SH3PXD2B: variants seen among roughly 807,000 people sequenced by gnomAD.
SH3PXD2B encodes SH3 and PX domain-containing protein 2B.
Under a neutral mutation model 73.1 loss-of-function variants are expected in SH3PXD2B, and 37 were observed. The ratio of observed to expected loss-of-function variants is 0.51; its 90% CI spans 0.39 to 0.67. The LOEUF (loss-of-function observed/expected upper bound fraction) is 0.67, where lower values mean the gene tolerates loss of function less well. SH3PXD2B is among the 30% of genes least tolerant of loss of function. SH3PXD2B has a pLI of 0.00. For missense variants in SH3PXD2B, 1,053 were observed against 1,197.8 expected (o/e 0.88, Z 1.78); for synonymous variants, 457 against 480.5 (o/e 0.95, Z 0.64).
chr5:172,435,110 G>C (rs1374602073), intron 1 of SH3PXD2B, among the ~76,000 whole-genome samples: 2 of 152,232 alleles, frequency 1.3e-5, no homozygotes, highest in African/African-American at 4.8e-5. Flanking sequence ...AGAAGGCACA[G>C]AAGACCTCAG....
At chr5:172,398,328 A>AT (rs1758352303) in intron 3 of SH3PXD2B, among the ~76,000 whole-genome samples, 2 of 152,202 alleles carry the variant, frequency 1.3e-5, no homozygotes, top group Admixed American at 1.3e-4. Flanking sequence ...CTTTTACTGT[A>AT]CCATCTATCA....
At chr5:172,329,537 A>G (rs374509917), downstream of SH3PXD2B, among the ~76,000 whole-genome samples, 1 of 62,960 alleles carries the variant, frequency 1.6e-5, no homozygotes, top group Admixed American at 1.6e-4. Flanking sequence ...GATCTTTGTT[A>G]TTCTTTTTTT....
In SH3PXD2B at chr5:172,368,676, AAT is replaced by A. The variant is rs1371215353; in HGVS notation, c.427+5112_427+5113del. 4.5e-4 allele frequency among the ~76,000 whole-genome samples: 14 copies of A among 31,156 alleles called. 3 individuals carry two copies. Among genetic ancestry groups the A allele is most frequent in the Non-Finnish European group, 5.9e-4 (13 of 22,014 alleles). 20.4% of individuals were successfully genotyped at this position (31,156 alleles called of 152,430 possible). A position where few individuals can be genotyped will look rare whatever the true frequency, so the allele number is the denominator to read the frequency against. On this transcript the variant is annotated intron_variant, in intron 6 of 12. Coordinates refer to ENST00000311601, the MANE Select transcript of SH3PXD2B (RefSeq NM_001017995.3). The stretch of plus-strand genomic sequence containing the variant: ...AAATATATATATTATATATATATAA[AAT>A]ATATATGTTATATATATAAAATATA...
chr5:172,446,929 C>T (rs1759676864), intron 1 of SH3PXD2B, among the ~76,000 whole-genome samples: 1 of 152,160 alleles, frequency 6.6e-6, no homozygotes, highest in Non-Finnish European at 1.5e-5. Context: ...CTCTAGCTCA[C>T]GGACTGGAAA....
intron 6 of SH3PXD2B, among the ~76,000 whole-genome samples, chr5:172,367,265 A>G (rs1235488081): frequency 6.7e-6 from 1 of 148,266 alleles, no homozygotes; most frequent in African/African-American, 2.5e-5. Flanking sequence ...TAGCAGCTAG[A>G]GTGATCCTTT....
At chr5:172,348,670 T>TCTATCTATCTATCTATCTATCTATC (rs1757070488) in intron 10 of SH3PXD2B, among the ~76,000 whole-genome samples, 1 of 49,938 alleles carries the variant, frequency 2.0e-5, no homozygotes, top group African/African-American at 6.7e-5. Context: ...TATCTATCTA[T>TCTATCTATCTATCTATCTATCTATC]CTATCTATCT....
rs886060419 is a variant in SH3PXD2B, at chr5:172,337,780, G to A, written c.*589C>T. The A allele has an allele frequency of 1.0e-6, 1 of 995,722 alleles. No homozygotes were observed. Among genetic ancestry groups the A allele is most frequent in the Non-Finnish European group, 1.2e-6 (1 of 835,796 alleles). The allele number at this position is 995,722 out of a possible 1,614,324, so 61.7% of individuals were successfully genotyped here. On this transcript the variant is annotated 3_prime_UTR_variant, in exon 13 of 13. Coordinates refer to ENST00000311601, the MANE Select transcript of SH3PXD2B (RefSeq NM_001017995.3). The stretch of plus-strand genomic sequence containing the variant: ...CACTCCTGGGGGAGCCGCATCCAGT[G>A]GAACCTCAGAGGCCCACGGGCCTGA...
chr5:172,356,950 G>A (rs1262869972), intron 8 of SH3PXD2B, among the ~76,000 whole-genome samples: 2 of 152,058 alleles, frequency 1.3e-5, no homozygotes, highest in Non-Finnish European at 2.9e-5. Flanking sequence ...TATTAACCGT[G>A]AACTTGGGTG....
downstream of SH3PXD2B, among the ~76,000 whole-genome samples, chr5:172,330,905 T>C (rs932556104): frequency 6.6e-6 from 1 of 152,168 alleles, no homozygotes; most frequent in African/African-American, 2.4e-5. Flanking sequence ...CAGTAAAAGT[T>C]AGATCCTGGC....
rs142674400 is a variant in SH3PXD2B at position 172,422,484 on chromosome 5, G to T, written c.88C>A (p.Arg30=). The change falls in exon 2 of 13, where the codon CGG becomes AGG. Residue 30 remains arginine, a synonymous_variant. Coordinates refer to ENST00000311601, the MANE Select transcript of SH3PXD2B (RefSeq NM_001017995.3). The part of the protein sequence containing the change: ...VPNKHYVYII[R]VTWSSGSTEA... Reference sequence around the variant, plus strand: ...GTGGAGCCGCTGGACCACGTGACCCGGATGATGTAGACCTGCGGGAGCAAC... The same window carrying T: ...GTGGAGCCGCTGGACCACGTGACCCTGATGATGTAGACCTGCGGGAGCAAC... 1 of 1,611,842 alleles carries T rather than the reference G, an allele frequency of 6.2e-7. No homozygotes were observed.
At chr5:172,333,182 G>A (rs910879380), downstream of SH3PXD2B, among the ~76,000 whole-genome samples, 2 of 151,948 alleles carry the variant, frequency 1.3e-5, no homozygotes, top group Non-Finnish European at 2.9e-5. Context: ...TGATCGGCCC[G>A]CCTCGGCCTC....
rs148820195 is a variant in SH3PXD2B at position 172,430,707 on chromosome 5, T to G, written c.76-8211A>C. ...CTGCTCATGGATGGTGTTAGGTGTT[T>G]TGTGGCCTGGGCCAGAATAACCCTC... On this transcript the variant is annotated intron_variant, in intron 1 of 12. Transcript: ENST00000311601. Among the ~76,000 whole-genome samples, 237 of 152,360 alleles carry G rather than the reference T, an allele frequency of 1.6e-3. 4 individuals carry two copies. The East Asian group carries it at 0.035, about 23-fold the overall frequency.
At chr5:172,379,798 G>T (rs2113367964) in intron 5 of SH3PXD2B, among the ~76,000 whole-genome samples, 1 of 152,282 alleles carries the variant, frequency 6.6e-6, no homozygotes, top group African/African-American at 2.4e-5. Context: ...AGCAAAGTGA[G>T]GGAGGCCCAT....
chr5:172,334,659 G>A lies in SH3PXD2B; in HGVS notation c.*3710C>T, dbSNP rs1188466628. On this transcript the variant is annotated 3_prime_UTR_variant, in exon 13 of 13. Coordinates refer to ENST00000311601, the MANE Select transcript of SH3PXD2B (RefSeq NM_001017995.3). ...AAAGGACGGGGGTCCAGCTACGAAT[G>A]TTTTTGTTCTTGATGTCAAGTTGCC... The A allele has an allele frequency of 3.0e-6, 3 of 985,508 alleles. No homozygotes were observed. The highest frequency in any genetic ancestry group is 3.6e-6 in the Non-Finnish European group (3 of 829,978). 61.0% of individuals were successfully genotyped at this position (985,508 alleles called of 1,614,324 possible). A position where few individuals can be genotyped will look rare whatever the true frequency, so the allele number is the denominator to read the frequency against.
intron 3 of SH3PXD2B, among the ~76,000 whole-genome samples, chr5:172,395,802 G>C (rs144878116): frequency 6.6e-6 from 1 of 152,082 alleles, no homozygotes; most frequent in African/African-American, 2.4e-5. Context: ...TACCAAGCTC[G>C]TGCAGAGCAA....
At chr5:172,439,238 G>GAAAAAAA (rs922645535) in intron 1 of SH3PXD2B, among the ~76,000 whole-genome samples, 4 of 33,234 alleles carry the variant, frequency 1.2e-4, no homozygotes, top group African/African-American at 5.8e-4. Context: ...AGAAAAAACA[G>GAAAAAAA]AAAAAAAAAA....
chr5:172,337,638 G>A lies in SH3PXD2B; in HGVS notation c.*731C>T, dbSNP rs1481110076. 1.0e-6 allele frequency: 1 copy of A among 986,156 alleles called. No homozygotes were observed. Among genetic ancestry groups the A allele is most frequent in the Non-Finnish European group, 1.2e-6 (1 of 830,574 alleles). 61.1% of individuals were successfully genotyped at this position (986,156 alleles called of 1,614,324 possible). ...AACTCTCATTGAAAAGCCCTGGAGG[G>A]ACCGGAGCCTGCAGCAGCAAAGCGC... On this transcript the variant is annotated 3_prime_UTR_variant, in exon 13 of 13. Transcript: ENST00000311601.
chr5:172,438,141 G>C (rs1759436767), intron 1 of SH3PXD2B, among the ~76,000 whole-genome samples: 1 of 152,138 alleles, frequency 6.6e-6, no homozygotes, highest in Non-Finnish European at 1.5e-5. Context: ...CTCAATGCCT[G>C]CCACTGCCTC....
chr5:172,329,945 G>A (rs1264059357), downstream of SH3PXD2B, among the ~76,000 whole-genome samples: 2 of 152,184 alleles, frequency 1.3e-5, no homozygotes, highest in Non-Finnish European at 2.9e-5. Flanking sequence ...GTGTTTAGGA[G>A]ATAGAAAAAT....
Sources: allele counts gnomAD v4.1 joint callset (sites outside exome capture counted in the v4.1 genomes callset), GRCh38; gene constraint gnomAD v4.1.1; transcripts MANE v1.5; gene names NCBI Gene and HGNC (gene_info 2026-07-23, HGNC 2026-07-21).